Variants in UGCG observed in about 807,000 individuals in gnomAD.
UGCG encodes the protein UDP-glucose ceramide glucosyltransferase.
A neutral mutation model predicts 49.5 loss-of-function variants in UGCG; 10 were observed. The ratio of observed to expected loss-of-function variants is 0.20; its 90% CI spans 0.12 to 0.34. The LOEUF is 0.34. Ranked by LOEUF, UGCG falls within the 10% of genes least tolerant of loss-of-function variation. UGCG has a pLI of 1.00. For synonymous variants in UGCG, 182 were observed against 158.2 expected (o/e 1.15, Z -1.13); for missense variants, 312 against 483.7 (o/e 0.65, Z 3.33).
intron 2 of UGCG, among the ~76,000 whole-genome samples, chr9:111,921,802 A>ATTTTTTTTTT (rs71373800): frequency 0.056 from 3,118 of 55,466 alleles, 770 homozygotes; most frequent in East Asian, 0.11. Context: ...CCCCAGGGTG[A>ATTTTTTTTTT]TTTTTTTTTT....
At chr9:111,916,249 G>T (rs541420328) in intron 2 of UGCG, among the ~76,000 whole-genome samples, 1 of 152,258 alleles carries the variant, frequency 6.6e-6, no homozygotes, top group South Asian at 2.1e-4. Flanking sequence ...TATTGATTAT[G>T]AATGAATCTT....
Position 111,924,833 on chromosome 9 carries a change from G to A in UGCG, c.400G>A (p.Val134Ile), listed in dbSNP as rs1467776992. Residue 134 changes from valine (V) to isoleucine (I), a missense_variant, in exon 4 of 9, where the codon GTT becomes ATT. Physicochemically the swap from Val to Ile is conservative, Grantham distance 29 (BLOSUM62 3). Coordinates refer to ENST00000374279, the MANE Select transcript of UGCG (RefSeq NM_003358.3). Reference protein sequence around the residue: ...KINNLMPGYEVAKYDLIWICD... With the variant: ...KINNLMPGYEIAKYDLIWICD... ...TAATAATTTAATGCCAGGATATGAA[G>A]TTGCAAAGTATGATCTTATATGGAT... The A allele has an allele frequency of 2.6e-6, 4 of 1,543,114 alleles. No homozygotes were observed. Among genetic ancestry groups the A allele is most frequent in the Non-Finnish European group, 3.5e-6 (4 of 1,151,966 alleles).
At chr9:111,918,090 G>A (rs1473652853) in intron 2 of UGCG, among the ~76,000 whole-genome samples, 1 of 151,608 alleles carries the variant, frequency 6.6e-6, no homozygotes, top group East Asian at 1.9e-4. Context: ...CACCTGTGCT[G>A]GAGTACAATG....
At position 111,934,158 on chromosome 9, in the gene UGCG, G is replaced by A. The variant is rs1225080447; in HGVS notation, c.*1161G>A. The A allele has an allele frequency of 7.0e-6, 1 of 143,754 alleles. No individual in the cohort carries two copies. The highest frequency in any genetic ancestry group is 1.5e-5 in the Non-Finnish European group (1 of 65,696). The allele number at this position is 143,754 out of a possible 1,614,324, so 8.9% of individuals were successfully genotyped here. A position where few individuals can be genotyped will look rare whatever the true frequency, so the allele number is the denominator to read the frequency against. On this transcript the variant is annotated 3_prime_UTR_variant, in exon 9 of 9. Coordinates refer to ENST00000374279, the MANE Select transcript of UGCG (RefSeq NM_003358.3). Reference sequence around the variant, plus strand: ...TTTTTTTTGTTTTTTGTTTTTGTTTGTTTACTATTATAGTAAGTCTAGTCT... The same window carrying A: ...TTTTTTTTGTTTTTTGTTTTTGTTTATTTACTATTATAGTAAGTCTAGTCT...
chr9:111,931,960 T>G, intron 7 of UGCG: 1 of 555,240 alleles, frequency 1.8e-6, no homozygotes, highest in South Asian at 2.3e-5. Flanking sequence ...GCCTGGGAGA[T>G]TGAAGCTACA....
chr9:111,898,664 G>A (rs961407041), intron 1 of UGCG, among the ~76,000 whole-genome samples: 1 of 151,916 alleles, frequency 6.6e-6, no homozygotes, highest in Admixed American at 6.6e-5. Context: ...ACTTTTTACC[G>A]TCATAAAAAT....
At chr9:111,899,656 CTG>C (rs1437387137) in intron 1 of UGCG, among the ~76,000 whole-genome samples, 1 of 152,048 alleles carries the variant, frequency 6.6e-6, no homozygotes, top group Non-Finnish European at 1.5e-5. Context: ...TTTTCTAACT[CTG>C]TTATAATTTT....
Position 111,932,972 on chromosome 9 carries a change from C to T in UGCG, c.1160C>T (p.Thr387Ile), listed in dbSNP as rs1838454737. Residue 387 changes from threonine (T) to isoleucine (I), a missense_variant, in exon 9 of 9, where the codon ACA (threonine) becomes ATA (isoleucine). Thr to Ile is a moderately conservative substitution (Grantham distance 89). Coordinates refer to ENST00000374279, the MANE Select transcript of UGCG (RefSeq NM_003358.3). Reference sequence around the variant, plus strand: ...CGCTACAGATTACGCTGTGGGGGTACAGCAGAGGAAATCCTAGATGTATAA... The same window carrying T: ...CGCTACAGATTACGCTGTGGGGGTATAGCAGAGGAAATCCTAGATGTATAA... ...TGRYRLRCGGTAEEILDV is the reference protein window; with the variant it reads ...TGRYRLRCGGIAEEILDV 6.3e-7 allele frequency: 1 copy of T among 1,596,430 alleles called. No homozygotes were observed. Among genetic ancestry groups the T allele is most frequent in the Non-Finnish European group, 8.5e-7 (1 of 1,171,092 alleles).
rs1162639864 is a variant in UGCG at position 111,934,677 on chromosome 9, T to C, written c.*1680T>C. The C allele has an allele frequency of 1.3e-5, 2 of 152,154 alleles. No individual in the cohort carries two copies. Among genetic ancestry groups the C allele is most frequent in the East Asian group, 3.8e-4 (2 of 5,200 alleles). The allele number at this position is 152,154 out of a possible 1,614,324, so 9.4% of individuals were successfully genotyped here. ...TATCTATAAGTATGTATACACATTA[T>C]ATTTAAGCTTTTCTCTGGGCCAAAC... On this transcript the variant is annotated 3_prime_UTR_variant, in exon 9 of 9. Coordinates refer to ENST00000374279, the MANE Select transcript of UGCG (RefSeq NM_003358.3).
chr9:111,899,846 C>T (rs991809620), intron 1 of UGCG, among the ~76,000 whole-genome samples: 1 of 152,114 alleles, frequency 6.6e-6, no homozygotes, highest in African/African-American at 2.4e-5. Flanking sequence ...TCCAGAATTA[C>T]TTATCAGATG....
chr9:111,915,236 T>C (rs1043825047), intron 2 of UGCG, among the ~76,000 whole-genome samples: 2 of 152,220 alleles, frequency 1.3e-5, no homozygotes, highest in Non-Finnish European at 2.9e-5. Context: ...ATTTCCTTAC[T>C]GTTCTGATTT....
rs557169513 is a variant in UGCG at position 111,906,647 on chromosome 9, C to T, written c.99-7958C>T. 2.6e-5 allele frequency among the ~76,000 whole-genome samples: 4 copies of T among 152,260 alleles called. No individual in the cohort carries two copies. In the East Asian group the frequency reaches 7.7e-4, roughly 29 times the overall value. ...GTTTCACCATGTTGGCCAGGCTGGT[C>T]TTGAACTCCCAACCTCAGGTGATCC... On this transcript the variant is annotated intron_variant, in intron 1 of 8. Transcript: ENST00000374279.
chr9:111,926,940 T>A (rs781248185), intron 5 of UGCG, among the ~76,000 whole-genome samples: 6 of 126,754 alleles, frequency 4.7e-5, no homozygotes, highest in Non-Finnish European at 9.5e-5. Flanking sequence ...TGGCACGATC[T>A]CGGCTCACTG....
In UGCG at chr9:111,897,196, CCGGTCCGGCGGGCCGGGG is replaced by C. The variant is rs1447410158; in HGVS notation, c.-19_-2del. On this transcript the variant is annotated 5_prime_UTR_variant, in exon 1 of 9. Coordinates refer to ENST00000374279, the MANE Select transcript of UGCG (RefSeq NM_003358.3). ...GTGTTGGCGGCCGCAGCGGGCCGGG[CCGGTCCGGCGGGCCGGGG>C]GATGGCGCTGCTGGACCTGGCCTTG... is the stretch of plus-strand genomic sequence containing the variant. 1 of 1,539,310 alleles carries C rather than the reference CCGGTCCGGCGGGCCGGGG, an allele frequency of 6.5e-7. No individual in the cohort carries two copies. The highest frequency in any genetic ancestry group is 2.5e-5 in the East Asian group (1 of 40,616).
chr9:111,930,035 C>G (rs1422027740), intron 6 of UGCG, among the ~76,000 whole-genome samples: 1 of 152,120 alleles, frequency 6.6e-6, no homozygotes, highest in East Asian at 1.9e-4. Context: ...CCAGGCTGGT[C>G]TTGAACTCCT....
At chr9:111,915,575 T>C (rs1838095733) in intron 2 of UGCG, among the ~76,000 whole-genome samples, 1 of 152,214 alleles carries the variant, frequency 6.6e-6, no homozygotes, top group South Asian at 2.1e-4. Flanking sequence ...CTTTGCGGTC[T>C]CTATTCACTT....
At position 111,935,229 on chromosome 9, in the gene UGCG, G is replaced by A. The variant is rs1395827583; in HGVS notation, c.*2232G>A. 1 of 151,988 alleles carries A rather than the reference G, an allele frequency of 6.6e-6. No homozygotes were observed. The highest frequency in any genetic ancestry group is 1.5e-5 in the Non-Finnish European group (1 of 67,990). The allele number at this position is 151,988 out of a possible 1,614,324, so 9.4% of individuals were successfully genotyped here. ...AGAAATAATATAAATGTTGAAGAAA[G>A]CATCACAACAGAACTATAGGAGTCT... On this transcript the variant is annotated 3_prime_UTR_variant, in exon 9 of 9. Transcript: ENST00000374279.
chr9:111,917,421 A>G lies in UGCG; in HGVS notation c.240+2675A>G, dbSNP rs1217039354. ...AGACAAGGCATTTGTGTCACCAAGAAGTCAAGGAGACCCAAAATAAACATT... is the reference window on the plus strand; with the variant it reads ...AGACAAGGCATTTGTGTCACCAAGAGGTCAAGGAGACCCAAAATAAACATT... On this transcript the variant is annotated intron_variant, in intron 2 of 8. Coordinates refer to ENST00000374279, the MANE Select transcript of UGCG (RefSeq NM_003358.3). Among the ~76,000 whole-genome samples, 3 of 152,242 alleles carry G rather than the reference A, an allele frequency of 2.0e-5. No homozygotes were observed. The East Asian group carries it at 5.8e-4, about 29-fold the overall frequency.
intron 5 of UGCG, among the ~76,000 whole-genome samples, chr9:111,927,446 G>GT (rs1013758554): frequency 9.3e-5 from 14 of 150,920 alleles, no homozygotes; most frequent in East Asian, 7.8e-4. Context: ...GGGTTTTTTT[G>GT]TTTTTTTTGT....
Sources: gnomAD v4.1 joint callset for allele counts (sites outside exome capture counted in the v4.1 genomes callset) on GRCh38, gnomAD v4.1.1 for gene constraint, MANE v1.5 for transcripts, NCBI Gene and HGNC (gene_info 2026-07-23, HGNC 2026-07-21) for gene names.